The following BCL2 variants were observed in gnomAD, a reference collection of about 807,000 sequenced individuals.
The protein encoded by BCL2 is BCL2 apoptosis regulator, also known as apoptosis regulator Bcl-2.
BCL2 carries 1 observed loss-of-function variant against 14.2 expected under a neutral mutation model. The observed-to-expected ratio is 0.07, with a 90% confidence interval of 0.02 to 0.33. The LOEUF is 0.33. BCL2 is among the 10% of genes least tolerant of loss of function. The probability of loss-of-function intolerance (pLI) is 0.99; values close to 1 mark genes in which losing one functional copy is unlikely to be tolerated. For synonymous variants in BCL2, 151 were observed against 137.2 expected, an observed-to-expected ratio of 1.10 and a Z score of -0.70; for missense variants, 247 against 305.9, an observed-to-expected ratio of 0.81 and a Z score of 1.44.
chr18:63,156,427 G>A (rs377135141), intron 2 of BCL2, among the ~76,000 whole-genome samples: 3 of 152,150 alleles, frequency 2.0e-5, no homozygotes, highest in South Asian at 2.1e-4. Flanking sequence ...ACATGCCAGC[G>A]GAAACCCTTG....
chr18:63,202,912 C>G (rs1245408879), intron 2 of BCL2, among the ~76,000 whole-genome samples: 2 of 152,170 alleles, frequency 1.3e-5, no homozygotes, highest in Non-Finnish European at 2.9e-5. Flanking sequence ...TAGCTTAATT[C>G]TTGCCCCCGG....
chr18:63,301,108 C>T (rs1912949221), intron 2 of BCL2, among the ~76,000 whole-genome samples: 1 of 152,184 alleles, frequency 6.6e-6, no homozygotes, highest in African/African-American at 2.4e-5. Context: ...ACAAGCTAGA[C>T]ACAAAAGGAC....
Position 63,149,626 on chromosome 18 carries a change from C to T in BCL2, c.586-20867G>A, listed in dbSNP as rs1378207259. Among the ~76,000 whole-genome samples, 1 of 152,180 alleles carries T rather than the reference C, an allele frequency of 6.6e-6. No individual in the cohort carries two copies. The highest frequency in any genetic ancestry group is 2.4e-5 in the African/African-American group (1 of 41,438). ...CCGAATAATCATGCAGTAACCCAGC[C>T]TTCCTTTCAAACTCTTTGCTTGATG... is the stretch of plus-strand genomic sequence containing the variant. On this transcript the variant is annotated intron_variant, in intron 2 of 2. Transcript: ENST00000333681. The surrounding 1 kb of genome is among the most constrained non-coding windows in gnomAD (Gnocchi z 4.2).
At chr18:63,300,031 C>T (rs539764423) in intron 2 of BCL2, among the ~76,000 whole-genome samples, 38 of 152,222 alleles carry the variant, frequency 2.5e-4, no homozygotes, top group African/African-American at 7.9e-4. Context: ...CAAATGACCA[C>T]GTTTTATTGT....
At position 63,302,314 on chromosome 18, in the gene BCL2, A is replaced by G. The variant is rs8087120; in HGVS notation, c.585+15768T>C. 1.4e-3 allele frequency: 1,413 copies of G among 978,638 alleles called. 12 individuals are homozygous for G. The African/African-American group carries it at 0.02, about 14-fold the overall frequency. The allele number at this position is 978,638 out of a possible 1,614,324, so 60.6% of individuals were successfully genotyped here. On this transcript the variant is annotated intron_variant, in intron 2 of 2. Transcript: ENST00000333681. Reference sequence around the variant, plus strand: ...AAAACTCCTTCTCAAAAAAAAAAAAAAGAGAGAGAAAGAGAGAAAGAGAGA... The same window carrying G: ...AAAACTCCTTCTCAAAAAAAAAAAAGAGAGAGAGAAAGAGAGAAAGAGAGA...
chr18:63,210,844 T>A (rs991867456), intron 2 of BCL2, among the ~76,000 whole-genome samples: 1 of 152,086 alleles, frequency 6.6e-6, no homozygotes, highest in Non-Finnish European at 1.5e-5. Context: ...ATGTGGCTCC[T>A]CCTGGCAGTC....
chr18:63,193,409 A>G (rs12958785), intron 2 of BCL2, among the ~76,000 whole-genome samples: 97,041 of 151,694 alleles, frequency 0.64, 31,658 homozygotes, highest in Non-Finnish European at 0.71. Flanking sequence ...CTAGGCCCTG[A>G]CAACCACCAC....
chr18:63,134,687 A>G (rs1914163550), intron 2 of BCL2, among the ~76,000 whole-genome samples: 1 of 152,198 alleles, frequency 6.6e-6, no homozygotes, highest in Non-Finnish European at 1.5e-5. Flanking sequence ...GTCCCCAAAG[A>G]GCTTACACTC....
chr18:63,252,484 G>C (rs1337362117), intron 2 of BCL2, among the ~76,000 whole-genome samples: 1 of 152,178 alleles, frequency 6.6e-6, no homozygotes, highest in Non-Finnish European at 1.5e-5. Flanking sequence ...ATTCCCACAT[G>C]CTGTGGGAGG....
rs79104208 is a variant in BCL2, at chr18:63,193,261, C to T, written c.586-64502G>A. 5.1e-3 allele frequency among the ~76,000 whole-genome samples: 783 copies of T among 152,244 alleles called. 8 individuals are homozygous for T. Among genetic ancestry groups the T allele is most frequent in the African/African-American group, 0.018 (749 of 41,550 alleles). On this transcript the variant is annotated intron_variant, in intron 2 of 2. Coordinates refer to ENST00000333681, the MANE Select transcript of BCL2 (RefSeq NM_000633.3). ...GAACATGAACTTAACAACTACATTTCAAATGATGTTTTAAACATGTCCATT... is the reference window on the plus strand; with the variant it reads ...GAACATGAACTTAACAACTACATTTTAAATGATGTTTTAAACATGTCCATT...
intron 2 of BCL2, among the ~76,000 whole-genome samples, chr18:63,236,978 G>A (rs1234840911): frequency 1.3e-5 from 2 of 152,036 alleles, no homozygotes; most frequent in Non-Finnish European, 2.9e-5. Context: ...AATCTGAAAC[G>A]GGAGCTTCCG....
At chr18:63,132,765 G>A (rs1914102773) in intron 2 of BCL2, among the ~76,000 whole-genome samples, 1 of 152,212 alleles carries the variant, frequency 6.6e-6, no homozygotes, top group Non-Finnish European at 1.5e-5. Flanking sequence ...AAGTCTGTTT[G>A]AACAGTCTGT....
intron 2 of BCL2, among the ~76,000 whole-genome samples, chr18:63,188,982 TTTC>T (rs1202207231): frequency 7.6e-6 from 1 of 131,172 alleles, no homozygotes; most frequent in African/African-American, 2.6e-5. Flanking sequence ...TACACAGACA[TTTC>T]TTTTTTTCCC....
chr18:63,151,966 T>C (rs1914663437), intron 2 of BCL2, among the ~76,000 whole-genome samples: 2 of 152,106 alleles, frequency 1.3e-5, no homozygotes, highest in Admixed American at 6.5e-5. Context: ...GAAGGAAACT[T>C]AGTAGCTGCT....
At chr18:63,282,802 A>T (rs1721889381) in intron 2 of BCL2, among the ~76,000 whole-genome samples, 1 of 152,214 alleles carries the variant, frequency 6.6e-6, no homozygotes, top group Admixed American at 6.5e-5. Flanking sequence ...TATATATATC[A>T]TAATAGCACA....
intron 2 of BCL2, among the ~76,000 whole-genome samples, chr18:63,313,353 A>C (rs1462128): frequency 0.99 from 151,331 of 152,312 alleles, 75,185 homozygotes; most frequent in East Asian, 1. Flanking sequence ...ATTAAGGTTG[A>C]TTAAGCCAAA....
At chr18:63,171,665 C>T (rs905118106) in intron 2 of BCL2, among the ~76,000 whole-genome samples, 2 of 152,194 alleles carry the variant, frequency 1.3e-5, no homozygotes, top group African/African-American at 4.8e-5. Context: ...AAATATGCTT[C>T]AAGCTGTAAG....
At chr18:63,232,724 C>G (rs1010074202) in intron 2 of BCL2, among the ~76,000 whole-genome samples, 1 of 152,178 alleles carries the variant, frequency 6.6e-6, no homozygotes, top group Non-Finnish European at 1.5e-5. Flanking sequence ...CAACGCCTAC[C>G]AACCTTTATG....
chr18:63,266,604 A>ATCTCTCTCTCTCTCTCTCTC (rs36078664), intron 2 of BCL2, among the ~76,000 whole-genome samples: 4 of 141,554 alleles, frequency 2.8e-5, no homozygotes, highest in African/African-American at 1.1e-4. Flanking sequence ...TGGAACATAA[A>ATCTCTCTCTCTCTCTCTCTC]TCTCTCTCTC....
Sources: allele counts gnomAD v4.1 joint callset (sites outside exome capture counted in the v4.1 genomes callset), GRCh38; gene constraint gnomAD v4.1.1; non-coding constraint Gnocchi (gnomAD v3.1); transcripts MANE v1.5; gene names NCBI Gene and HGNC (gene_info 2026-07-23, HGNC 2026-07-21).